Variants in HSF4 observed in about 807,000 individuals in gnomAD.
HSF4 encodes the protein heat shock factor protein 4.
A neutral mutation model predicts 52.0 loss-of-function variants in HSF4; 41 were observed. That is an observed-to-expected ratio of 0.79 (90% CI 0.61 to 1.02). The LOEUF (loss-of-function observed/expected upper bound fraction) is 1.02. Among genes scored for constraint, HSF4 ranks in the 50% least tolerant of loss-of-function variants. HSF4 has a pLI of 0.00. For missense variants in HSF4, 610 were observed against 651.1 expected, an observed-to-expected ratio of 0.94 and a Z score of 0.69; for synonymous variants, 285 against 273.0, an observed-to-expected ratio of 1.04 and a Z score of -0.43.
intron 7 of HSF4, 35 bp from the exon 8 acceptor site, chr16:67,167,440 C>T (rs2031387927): frequency 5.0e-6 from 8 of 1,613,726 alleles, no homozygotes; most frequent in Non-Finnish European, 4.2e-6. Context: ...CCTGTGCCTA[C>T]AGGCCAAGGG....
chr16:67,165,734 T>TG lies in HSF4; in HGVS notation c.250dup (p.Val84GlyfsTer10). ...CACTCCCCAGACGGTTTTCGGAAGG[T>TG]GGTGAGCATCGAGCAGGGCGGCCTG... On this transcript the variant is annotated frameshift_variant, in exon 3 of 13. Coordinates refer to ENST00000521374, the MANE Select transcript of HSF4 (RefSeq NM_001374675.1). LOFTEE classifies it high-confidence loss of function. The surrounding 1 kb of genome is among the most constrained non-coding windows in gnomAD (Gnocchi z 6.9). The TG allele has an allele frequency of 6.2e-7, 1 of 1,611,498 alleles. No homozygotes were observed. The highest frequency in any genetic ancestry group is 2.2e-5 in the East Asian group (1 of 44,790).
rs1246883161 is a variant in HSF4 at position 67,166,780 on chromosome 16, C to T, written c.626+158C>T. ...CACCCCATCTAGGATCCACTTCCCC[C>T]CAACTCTGCCACCTGGTATCCCCAC... is the stretch of plus-strand genomic sequence containing the variant. On this transcript the variant is annotated intron_variant, in intron 6 of 12. Transcript: ENST00000521374. Among the ~76,000 whole-genome samples, 3 of 152,012 alleles carry T rather than the reference C, an allele frequency of 2.0e-5. No homozygotes were observed. The East Asian group carries it at 5.8e-4, about 29-fold the overall frequency.
intron 9 of HSF4, 93 bp downstream of exon 9, chr16:67,168,040 A>C: frequency 5.8e-6 from 6 of 1,042,268 alleles, no homozygotes; most frequent in Non-Finnish European, 8.6e-6. Flanking sequence ...CATGATACTC[A>C]CCTGATTTCT....
upstream of HSF4, chr16:67,164,105 C>A (rs1458161036): frequency 5.9e-6 from 4 of 681,166 alleles, no homozygotes; most frequent in Non-Finnish European, 1.1e-5. Flanking sequence ...GGCCCCGGCG[C>A]AGGGAGAGGG....
chr16:67,168,941 G>A lies in HSF4; in HGVS notation c.1188+5G>A. On this transcript the variant is annotated splice_donor_5th_base_variant and intron_variant, in intron 10 of 12. Transcript: ENST00000521374. ...GAACCTGCAGGGCCTCTAGATGTGA[G>A]TACCCCTTCTGCTGAAACAGGGGCA... 1 of 1,613,626 alleles carries A rather than the reference G, an allele frequency of 6.2e-7. No homozygotes were observed. The highest frequency in any genetic ancestry group is 8.5e-7 in the Non-Finnish European group (1 of 1,179,596).
Position 67,169,497 on chromosome 16 carries a change from A to T in HSF4, c.1325-134A>T. 1 of 1,582,358 alleles carries T rather than the reference A, an allele frequency of 6.3e-7. No individual in the cohort carries two copies. Among genetic ancestry groups the T allele is most frequent in the East Asian group, 2.3e-5 (1 of 43,606 alleles). On this transcript the variant is annotated intron_variant, in intron 12 of 12. Coordinates refer to ENST00000521374, the MANE Select transcript of HSF4 (RefSeq NM_001374675.1). This position sits in a 1 kb window ranked among gnomAD's most constrained non-coding sequence, Gnocchi z 4.3. ...TCCTTGAGCCACCCATGCCCTCACC[A>T]TTGGGCGAGAGTGGGGAGGTTAAGA...
chr16:67,164,799 C>A lies in HSF4; in HGVS notation c.-13C>A. 3 of 1,590,718 alleles carry A rather than the reference C, an allele frequency of 1.9e-6. No homozygotes were observed. Among genetic ancestry groups the A allele is most frequent in the Non-Finnish European group, 2.6e-6 (3 of 1,175,282 alleles). ...GGCCGGGCCCGAGCGCAGAGCCGGG[C>A]CGAGACTGCACCATGCAGGAAGCGC... On this transcript the variant is annotated 5_prime_UTR_variant, in exon 1 of 13. Transcript: ENST00000521374.
At position 67,165,353 on chromosome 16, in the gene HSF4, C is replaced by T. The variant is rs1037778001; in HGVS notation, c.124-169C>T. The T allele has an allele frequency of 3.0e-6, 2 of 666,168 alleles. No individual in the cohort carries two copies. The allele number at this position is 666,168 out of a possible 1,614,324, so 41.3% of individuals were successfully genotyped here. A position where few individuals can be genotyped will look rare whatever the true frequency, so the allele number is the denominator to read the frequency against. ...ACTGTGGTCGCTCCAGGCTAGGCCT[C>T]GGAGCCCGTTCTGGCCTGGCCTCGA... On this transcript the variant is annotated intron_variant, in intron 1 of 12. Coordinates refer to ENST00000521374, the MANE Select transcript of HSF4 (RefSeq NM_001374675.1). The surrounding 1 kb of genome is among the most constrained non-coding windows in gnomAD (Gnocchi z 6.9).
In HSF4 at chr16:67,167,767, G is replaced by T. The variant is rs1364168438; in HGVS notation, c.902G>T (p.Gly301Val). 6 of 1,604,252 alleles carry T rather than the reference G, an allele frequency of 3.7e-6. No individual in the cohort carries two copies. In the African/African-American group the frequency reaches 8.0e-5, roughly 21 times the overall value. Residue 301 changes from glycine (G) to valine (V), a missense_variant, in exon 9 of 13, where the codon GGG becomes GTG. Coordinates refer to ENST00000521374, the MANE Select transcript of HSF4 (RefSeq NM_001374675.1). Reference sequence around the variant, plus strand: ...AAAGAAGAGCCGGCCAGTCCAGGGGGGGATGGCGAGGCCGGGCTGGCCCTG... The same window carrying T: ...AAAGAAGAGCCGGCCAGTCCAGGGGTGGATGGCGAGGCCGGGCTGGCCCTG... ...LLKEEPASPG[G>V]DGEAGLALAP...
upstream of HSF4, chr16:67,164,274 A>C (rs1362954126): frequency 2.5e-6 from 1 of 405,156 alleles, no homozygotes; most frequent in Non-Finnish European, 4.8e-6. Flanking sequence ...GGGTTTCCTC[A>C]AGAGCCTCTG....
chr16:67,168,798 C>A, intron 9 of HSF4, 33 bp from the exon 10 acceptor site: 1 of 1,533,864 alleles, frequency 6.5e-7, no homozygotes, highest in African/African-American at 1.4e-5. Context: ...GCGGGGTGGA[C>A]ACTGCAGGCC....
intron 4 of HSF4, 106 bp downstream of exon 4, chr16:67,166,176 G>T: frequency 7.1e-7 from 1 of 1,399,840 alleles, no homozygotes; most frequent in Non-Finnish European, 9.8e-7. Context: ...CTCCTGCCTT[G>T]GCGCCTCCAT....
At position 67,165,147 on chromosome 16, in the gene HSF4, C is replaced by T. The variant is rs2031155622; in HGVS notation, c.123+213C>T. The T allele has an allele frequency of 3.3e-6, 2 of 613,548 alleles. No homozygotes were observed. Among genetic ancestry groups the T allele is most frequent in the Non-Finnish European group, 2.8e-6 (1 of 351,820 alleles). 38.0% of individuals were successfully genotyped at this position (613,548 alleles called of 1,614,324 possible). On this transcript the variant is annotated intron_variant, in intron 1 of 12. Transcript: ENST00000521374. This position sits in a 1 kb window ranked among gnomAD's most constrained non-coding sequence, Gnocchi z 6.9. ...GCCTGCCTTCTGAAGACCTAGAGTC[C>T]GAGGGACCTTCGAGGCCATTTAGTT...
chr16:67,164,509 G>A, upstream of HSF4: 2 of 613,474 alleles, frequency 3.3e-6, no homozygotes, highest in Non-Finnish European at 6.1e-6. Flanking sequence ...GAAATAGAGG[G>A]ACCGAGAGGG....
Position 67,169,651 on chromosome 16 carries a change from GC to G in HSF4, c.1349del (p.Pro450HisfsTer21), listed in dbSNP as rs1390445098. On this transcript the variant is annotated frameshift_variant, in exon 13 of 13. Transcript: ENST00000521374. LOFTEE classifies it high-confidence loss of function. This position sits in a 1 kb window ranked among gnomAD's most constrained non-coding sequence, Gnocchi z 4.3. ...PSPGKDPTLG[A>X]PLLLDVQAAL... ...CCTAGGGAAGGACCCCACGCTCGGG[GC>G]CCCACTCCTGCTGGATGTCCAGGCG... is the stretch of plus-strand genomic sequence containing the variant. 6.2e-7 allele frequency: 1 copy of G among 1,610,008 alleles called. No homozygotes were observed. Among genetic ancestry groups the G allele is most frequent in the African/African-American group, 1.3e-5 (1 of 75,050 alleles).
Position 67,165,944 on chromosome 16 carries a change from A to T in HSF4, c.361-2A>T, listed in dbSNP as rs780636874. On this transcript the variant is annotated splice_acceptor_variant, in intron 3 of 12. Coordinates refer to ENST00000521374, the MANE Select transcript of HSF4 (RefSeq NM_001374675.1). LOFTEE classifies it high-confidence loss of function. The surrounding 1 kb of genome is among the most constrained non-coding windows in gnomAD (Gnocchi z 6.9). Reference sequence around the variant, plus strand: ...AGTCCCGACGGTGCCTCCCGCCTGCAGGTGCCCGCGCTGCGCGGCGACGAC... The same window carrying T: ...AGTCCCGACGGTGCCTCCCGCCTGCTGGTGCCCGCGCTGCGCGGCGACGAC... 1.3e-6 allele frequency: 2 copies of T among 1,577,212 alleles called. No homozygotes were observed. The highest frequency in any genetic ancestry group is 2.3e-5 in the East Asian group (1 of 43,402).
chr16:67,167,176 G>A lies in HSF4; in HGVS notation c.683G>A (p.Cys228Tyr). ...SCPTPAKFNTCPLPGALLQDP... is the reference protein window; with the variant it reads ...SCPTPAKFNTYPLPGALLQDP... ...CCAACACCTGCCAAGTTCAACACCT[G>A]CCCTCTACCTGGTGCCCTTCTGCAG... is the stretch of plus-strand genomic sequence containing the variant. The change falls in exon 7 of 13, where the codon TGC (cysteine) becomes TAC (tyrosine). Residue 228 changes from cysteine to tyrosine, a missense_variant. Coordinates refer to ENST00000521374, the MANE Select transcript of HSF4 (RefSeq NM_001374675.1). 6.2e-7 allele frequency: 1 copy of A among 1,614,178 alleles called. No homozygotes were observed. The highest frequency in any genetic ancestry group is 1.1e-5 in the South Asian group (1 of 91,086).
In HSF4 at chr16:67,166,067, G is replaced by A. The variant is rs983932135; in HGVS notation, c.482G>A (p.Arg161Lys). Reference sequence around the variant, plus strand: ...ACCGAGGCGCGGCTGCGGGAGCTCAGGCAGTGCGGGGGCGGGCGGGGAAAG... The same window carrying A: ...ACCGAGGCGCGGCTGCGGGAGCTCAAGCAGTGCGGGGGCGGGCGGGGAAAG... ...ESTEARLREL[R>K]QQNEILWREV... Residue 161 changes from arginine to lysine, a missense_variant, in exon 4 of 13, where the codon AGG (arginine) becomes AAG (lysine). By Grantham distance (26) the Arg-to-Lys change is conservative. Transcript: ENST00000521374. 5.9e-6 allele frequency: 9 copies of A among 1,532,732 alleles called. No homozygotes were observed. In the African/African-American group the frequency reaches 1.2e-4, roughly 21 times the overall value. 94.9% of individuals were successfully genotyped at this position (1,532,732 alleles called of 1,614,324 possible).
Position 67,169,115 on chromosome 16 carries a change from C to T in HSF4, c.1254+14C>T, listed in dbSNP as rs751504671. On this transcript the variant is annotated intron_variant, in intron 11 of 12. Coordinates refer to ENST00000521374, the MANE Select transcript of HSF4 (RefSeq NM_001374675.1). The surrounding 1 kb of genome is among the most constrained non-coding windows in gnomAD (Gnocchi z 4.3). ...GAGCTGTCCTTGGTAAGAAGTGGGT[C>T]GGGGAGGGCAGAGGCCAGGGGTGGC... 8 of 1,611,576 alleles carry T rather than the reference C, an allele frequency of 5.0e-6. No individual in the cohort carries two copies. Among genetic ancestry groups the T allele is most frequent in the African/African-American group, 2.7e-5 (2 of 74,994 alleles).
Sources: allele counts gnomAD v4.1 joint callset (sites outside exome capture counted in the v4.1 genomes callset), GRCh38; gene constraint gnomAD v4.1.1; non-coding constraint Gnocchi (gnomAD v3.1); transcripts MANE v1.5; gene names NCBI Gene and HGNC (gene_info 2026-07-23, HGNC 2026-07-21).